The following SEMA5A variants were observed in gnomAD, a reference collection of about 807,000 sequenced individuals.
The protein encoded by SEMA5A is semaphorin 5A, also known as semaphorin-5A.
A neutral mutation model predicts 135.5 loss-of-function variants in SEMA5A; 55 were observed. That is an observed-to-expected ratio of 0.41 (90% CI 0.33 to 0.51). The LOEUF is 0.51. Among genes scored for constraint, SEMA5A ranks in the 20% least tolerant of loss-of-function variants. The pLI is 0.37. For synonymous variants in SEMA5A, 580 were observed against 546.5 expected (o/e 1.06, Z -0.85); for missense variants, 1,290 against 1,419.9 (o/e 0.91, Z 1.47).
At chr5:9,126,226 C>T (rs568060769) in intron 13 of SEMA5A, among the ~76,000 whole-genome samples, 1 of 152,082 alleles carries the variant, frequency 6.6e-6, no homozygotes, top group Non-Finnish European at 1.5e-5. Context: ...CCATCCTAAG[C>T]CTGCAGGTGG....
chr5:9,050,274 A>G (rs972472259), intron 21 of SEMA5A, 136 bp downstream of exon 21: 13 of 732,758 alleles, frequency 1.8e-5, no homozygotes, highest in African/African-American at 7.2e-5. Context: ...CCAAGGTAGA[A>G]TGCCTGGGAT....
intron 5 of SEMA5A, among the ~76,000 whole-genome samples, chr5:9,317,201 A>G (rs1352076321): frequency 6.6e-6 from 1 of 152,226 alleles, no homozygotes; most frequent in Admixed American, 6.5e-5. Context: ...TGGAAAGACA[A>G]TTTATTGTCA....
intron 16 of SEMA5A, among the ~76,000 whole-genome samples, chr5:9,092,900 G>T (rs1284683359): frequency 1.3e-5 from 2 of 152,278 alleles, no homozygotes; most frequent in African/African-American, 4.8e-5. Flanking sequence ...CCTACACTCT[G>T]CAAGGTGTTG....
intron 5 of SEMA5A, among the ~76,000 whole-genome samples, chr5:9,304,200 A>G (rs1751749163): frequency 6.6e-6 from 1 of 152,058 alleles, no homozygotes; most frequent in African/African-American, 2.4e-5. Context: ...ATAATTTCCA[A>G]TAGTATTTCC....
At chr5:9,350,814 C>A (rs1300423994) in intron 3 of SEMA5A, among the ~76,000 whole-genome samples, 1 of 152,220 alleles carries the variant, frequency 6.6e-6, no homozygotes, top group Non-Finnish European at 1.5e-5. Flanking sequence ...CTAAGCTTTG[C>A]CCCACATGCC....
intron 11 of SEMA5A, among the ~76,000 whole-genome samples, chr5:9,182,148 T>TTCCC (rs1374414168): frequency 1.5e-5 from 2 of 130,898 alleles, no homozygotes; most frequent in African/African-American, 6.5e-5. Flanking sequence ...TTATTGCTTC[T>TTCCC]GCCCCCCACC....
chr5:9,068,229 A>T (rs1737580840), intron 16 of SEMA5A, among the ~76,000 whole-genome samples: 1 of 152,154 alleles, frequency 6.6e-6, no homozygotes, highest in Non-Finnish European at 1.5e-5. Context: ...TTTAGAGTGG[A>T]GGGCTAAAAA....
chr5:9,092,693 A>T (rs1374589041), intron 16 of SEMA5A, among the ~76,000 whole-genome samples: 1 of 152,244 alleles, frequency 6.6e-6, no homozygotes, highest in Non-Finnish European at 1.5e-5. Context: ...TAGTGTGAAG[A>T]ATCTCTTTGA....
rs181471849 is a variant in SEMA5A, at chr5:9,059,722, G to A, written c.2518+3165C>T. On this transcript the variant is annotated intron_variant, in intron 18 of 22. Transcript: ENST00000382496. ...ATGCCACCATGCCAGGCTAATTTTT[G>A]TCTTTTTAGTAGGAATAAGTTTTTA... 3.0e-3 allele frequency among the ~76,000 whole-genome samples: 458 copies of A among 152,060 alleles called. 2 individuals are homozygous for A. Among genetic ancestry groups the A allele is most frequent in the African/African-American group, 0.011 (443 of 41,490 alleles).
At chr5:9,255,772 G>C (rs1749036580) in intron 5 of SEMA5A, among the ~76,000 whole-genome samples, 1 of 152,128 alleles carries the variant, frequency 6.6e-6, no homozygotes, top group Admixed American at 6.6e-5. Context: ...CAACACACCT[G>C]CATTCCTGTC....
chr5:9,298,922 C>T (rs976605198), intron 5 of SEMA5A, among the ~76,000 whole-genome samples: 23 of 152,138 alleles, frequency 1.5e-4, no homozygotes, highest in Non-Finnish European at 2.4e-4. Flanking sequence ...CAGCTCTGCC[C>T]ACTGTTGAAG....
intron 6 of SEMA5A, among the ~76,000 whole-genome samples, chr5:9,227,320 T>C (rs892916114): frequency 3.3e-5 from 5 of 152,176 alleles, no homozygotes; most frequent in Non-Finnish European, 7.3e-5. Context: ...TATCTGATAG[T>C]AGCACAAATG....
chr5:9,392,359 G>A (rs1386608525), intron 2 of SEMA5A, among the ~76,000 whole-genome samples: 1 of 152,024 alleles, frequency 6.6e-6, no homozygotes, highest in Non-Finnish European at 1.5e-5. Context: ...TGTGCTGTAT[G>A]TATATCAAAA....
intron 16 of SEMA5A, among the ~76,000 whole-genome samples, chr5:9,093,766 T>G (rs1362760670): frequency 1.3e-5 from 2 of 151,630 alleles, no homozygotes; most frequent in South Asian, 4.1e-4. Context: ...TCAAGCCCTT[T>G]CAGGAATGAT....
intron 12 of SEMA5A, among the ~76,000 whole-genome samples, chr5:9,145,547 T>G (rs1742282148): frequency 6.6e-6 from 1 of 151,962 alleles, no homozygotes; most frequent in South Asian, 2.1e-4. Flanking sequence ...CAAGAAGTGG[T>G]GGCAGCTCAA....
At chr5:9,399,215 A>G (rs1245606889) in intron 2 of SEMA5A, among the ~76,000 whole-genome samples, 2 of 152,256 alleles carry the variant, frequency 1.3e-5, no homozygotes, top group Non-Finnish European at 2.9e-5. Flanking sequence ...CAACTAATAC[A>G]TGGAGAACAG....
At chr5:9,170,039 G>C (rs975006594) in intron 11 of SEMA5A, among the ~76,000 whole-genome samples, 1 of 152,146 alleles carries the variant, frequency 6.6e-6, no homozygotes, top group Admixed American at 6.5e-5. Flanking sequence ...TTCACTGTCA[G>C]TATTCCATCT....
chr5:9,289,706 T>A (rs570138844), intron 5 of SEMA5A, among the ~76,000 whole-genome samples: 2 of 152,280 alleles, frequency 1.3e-5, no homozygotes, highest in African/African-American at 4.8e-5. Context: ...TGGCTGTTTT[T>A]AATAAATTTT....
At chr5:9,376,536 C>G (rs964977011) in intron 3 of SEMA5A, among the ~76,000 whole-genome samples, 3 of 152,204 alleles carry the variant, frequency 2.0e-5, no homozygotes, top group African/African-American at 7.2e-5. Context: ...AACACAGGCA[C>G]CTGTTAGGAC....
Sources: gnomAD v4.1 joint callset for allele counts (sites outside exome capture counted in the v4.1 genomes callset) on GRCh38, gnomAD v4.1.1 for gene constraint, MANE v1.5 for transcripts, NCBI Gene and HGNC (gene_info 2026-07-23, HGNC 2026-07-21) for gene names.